Variants in MCF2L observed in about 807,000 individuals in gnomAD.
MCF2L encodes the protein guanine nucleotide exchange factor DBS.
A neutral mutation model predicts 153.4 loss-of-function variants in MCF2L; 97 were observed. That is an observed-to-expected ratio of 0.63 (90% confidence interval 0.54 to 0.75). The LOEUF (loss-of-function observed/expected upper bound fraction) is 0.75. Among genes scored for constraint, MCF2L ranks in the 30% least tolerant of loss-of-function variants. MCF2L has a pLI of 0.00. For missense variants in MCF2L, 1,347 were observed against 1,495.2 expected (o/e 0.90, Z 1.64); for synonymous variants, 659 against 632.2 (o/e 1.04, Z -0.64).
At chr13:112,984,870 C>CT (rs1185868976) in intron 1 of MCF2L, among the ~76,000 whole-genome samples, 12 of 152,126 alleles carry the variant, frequency 7.9e-5, no homozygotes, top group Non-Finnish European at 7.3e-5. Context: ...CGCTCTGCTT[C>CT]TGTCCATCCC....
chr13:112,934,485 G>A (rs553916492), intron 2 of MCF2L, among the ~76,000 whole-genome samples: 2 of 148,226 alleles, frequency 1.3e-5, no homozygotes, highest in African/African-American at 4.9e-5. Context: ...CAGACCCCTG[G>A]GCCCCACATC....
In MCF2L at chr13:113,083,931, T is replaced by A. The variant is rs2034393120; in HGVS notation, c.1992-67T>A. The A allele has an allele frequency of 2.6e-6, 3 of 1,152,562 alleles. No homozygotes were observed. The South Asian group carries it at 3.7e-5, about 14-fold the overall frequency. The allele number at this position is 1,152,562 out of a possible 1,614,324, so 71.4% of individuals were successfully genotyped here. On this transcript the variant is annotated intron_variant, in intron 17 of 29. Coordinates refer to ENST00000535094, the MANE Select transcript of MCF2L (RefSeq NM_001112732.3). ...ACAGGCTTCTGAAAAATGACGTCCATCCACTTGTCACTGGTCCACGTGACT... is the reference window on the plus strand; with the variant it reads ...ACAGGCTTCTGAAAAATGACGTCCAACCACTTGTCACTGGTCCACGTGACT...
chr13:113,039,745 G>A (rs1187578933), intron 3 of MCF2L, among the ~76,000 whole-genome samples: 2 of 152,172 alleles, frequency 1.3e-5, no homozygotes, highest in Non-Finnish European at 2.9e-5. Context: ...ATATCAGGAC[G>A]CCACTCTGTA....
rs1403429036 is a variant in MCF2L, at chr13:113,024,610, C to A, written c.164-34C>A. 3.4e-6 allele frequency: 5 copies of A among 1,491,380 alleles called. No homozygotes were observed. In the East Asian group the frequency reaches 1.1e-4, roughly 34 times the overall value. The allele number at this position is 1,491,380 out of a possible 1,614,324, so 92.4% of individuals were successfully genotyped here. Reference sequence around the variant, plus strand: ...GTGGAACCCCCGGGGGCATGGAGCCCTCGGCTAAGGGTCTGCCTCTGGTCT... The same window carrying A: ...GTGGAACCCCCGGGGGCATGGAGCCATCGGCTAAGGGTCTGCCTCTGGTCT... On this transcript the variant is annotated intron_variant, in intron 2 of 29. Transcript: ENST00000535094.
At chr13:112,898,918 C>T (rs531616626) in intron 1 of MCF2L, among the ~76,000 whole-genome samples, 1 of 152,290 alleles carries the variant, frequency 6.6e-6, no homozygotes, top group Admixed American at 6.5e-5. Context: ...CCTGCACCCA[C>T]CACCACCCCA....
At chr13:113,020,478 G>A (rs1341813377) in intron 2 of MCF2L, among the ~76,000 whole-genome samples, 1 of 152,232 alleles carries the variant, frequency 6.6e-6, no homozygotes, top group Non-Finnish European at 1.5e-5. Context: ...AGACTGAGTG[G>A]TTTAAGCCAC....
intron 1 of MCF2L, among the ~76,000 whole-genome samples, chr13:112,995,629 C>A (rs1006992519): frequency 3.3e-5 from 5 of 152,158 alleles, no homozygotes; most frequent in African/African-American, 1.2e-4. Context: ...GGATGTGCCC[C>A]GTGTGGGACC....
Position 113,028,875 on chromosome 13 carries a change from TG to T in MCF2L, c.278+4121del, listed in dbSNP as rs1192344272. 6.7e-6 allele frequency among the ~76,000 whole-genome samples: 1 copy of T among 148,752 alleles called. No homozygotes were observed. The highest frequency in any genetic ancestry group is 1.5e-5 in the Non-Finnish European group (1 of 67,062). On this transcript the variant is annotated intron_variant, in intron 3 of 29. Transcript: ENST00000535094. The surrounding 1 kb of genome is among the most constrained non-coding windows in gnomAD (Gnocchi z 5.4). ...GTGTGTGGCGTGTGCGGGGTGTGTGTGGGGTATGTGTGGTGTGTGTGTAATG... is the reference window on the plus strand; with the variant it reads ...GTGTGTGGCGTGTGCGGGGTGTGTGTGGGTATGTGTGGTGTGTGTGTAATG...
intron 2 of MCF2L, among the ~76,000 whole-genome samples, chr13:112,926,584 G>T (rs1332863029): frequency 6.6e-6 from 1 of 152,202 alleles, no homozygotes; most frequent in African/African-American, 2.4e-5. Context: ...ACAGCAGAGT[G>T]CTGTGTGGCT....
rs74524533 is a variant in MCF2L at position 113,015,361 on chromosome 13, C to G, written c.163+515C>G. 1.9e-3 allele frequency among the ~76,000 whole-genome samples: 297 copies of G among 152,352 alleles called. 2 individuals carry two copies. Among genetic ancestry groups the G allele is most frequent in the African/African-American group, 7.0e-3 (292 of 41,582 alleles). On this transcript the variant is annotated intron_variant, in intron 2 of 29. Transcript: ENST00000535094. Reference sequence around the variant, plus strand: ...GGCCCCGAGCTATGTAGATGCCGTTCTTATGTGAACAAATCTGCCCAACAG... The same window carrying G: ...GGCCCCGAGCTATGTAGATGCCGTTGTTATGTGAACAAATCTGCCCAACAG...
chr13:113,096,142 G>A (rs1331374439), intron 27 of MCF2L: 4 of 591,040 alleles, frequency 6.8e-6, no homozygotes, highest in Non-Finnish European at 9.0e-6. Flanking sequence ...TGAGGGGCTG[G>A]GGCAGCTGGG....
intron 2 of MCF2L, among the ~76,000 whole-genome samples, chr13:112,908,770 A>G (rs1375174185): frequency 5.6e-5 from 8 of 142,698 alleles, no homozygotes; most frequent in Admixed American, 4.3e-4. Context: ...GTCTCACTCT[A>G]TTGTCCAGGG....
chr13:112,895,421 G>T (rs1478118263), intron 1 of MCF2L, among the ~76,000 whole-genome samples: 2 of 152,268 alleles, frequency 1.3e-5, no homozygotes, highest in African/African-American at 4.8e-5. Flanking sequence ...AGTCCCCAGG[G>T]CTGCAGGCTG....
intron 1 of MCF2L, among the ~76,000 whole-genome samples, chr13:112,895,377 G>A (rs1054758654): frequency 6.6e-6 from 1 of 152,164 alleles, no homozygotes; most frequent in Non-Finnish European, 1.5e-5. Flanking sequence ...GTGGCCACGG[G>A]GACCGACACG....
chr13:112,910,061 G>C (rs1254660329), intron 2 of MCF2L: 1 of 152,284 alleles, frequency 6.6e-6, no homozygotes, highest in Non-Finnish European at 1.5e-5. Context: ...ATTTATCTAT[G>C]CATCTGTCTT....
rs1274637726 is a variant in MCF2L, at chr13:113,012,330, G to A, written c.80-2433G>A. 1.3e-4 allele frequency among the ~76,000 whole-genome samples: 14 copies of A among 109,150 alleles called. 2 individuals carry two copies. Among genetic ancestry groups the A allele is most frequent in the Admixed American group, 9.8e-4 (11 of 11,222 alleles). 71.6% of individuals were successfully genotyped at this position (109,150 alleles called of 152,430 possible). A position where few individuals can be genotyped will look rare whatever the true frequency, so the allele number is the denominator to read the frequency against. On this transcript the variant is annotated intron_variant, in intron 1 of 29. Transcript: ENST00000535094. Reference sequence around the variant, plus strand: ...TGGATGGTGGACAGGTGGTGTGGACGGTGGACAGGCAGTGTGGACGGTGGA... The same window carrying A: ...TGGATGGTGGACAGGTGGTGTGGACAGTGGACAGGCAGTGTGGACGGTGGA...
At chr13:112,919,735 AT>A (rs1451143325) in intron 2 of MCF2L, among the ~76,000 whole-genome samples, 2 of 152,130 alleles carry the variant, frequency 1.3e-5, no homozygotes, top group African/African-American at 2.4e-5. Flanking sequence ...TACTAGACAG[AT>A]TTTTTTAGTT....
chr13:113,078,608 G>C, intron 14 of MCF2L, 58 bp from the exon 15 acceptor site: 3 of 1,515,658 alleles, frequency 2.0e-6, no homozygotes, highest in Non-Finnish European at 2.7e-6. Flanking sequence ...CTGGCCTTGA[G>C]AGTTGGCCCT....
intron 2 of MCF2L, among the ~76,000 whole-genome samples, chr13:112,913,703 G>A (rs1426584664): frequency 6.6e-6 from 1 of 152,174 alleles, no homozygotes. Context: ...AGTGCCCTGT[G>A]TGGATCACGG....
Sources: allele counts gnomAD v4.1 joint callset (sites outside exome capture counted in the v4.1 genomes callset), GRCh38; gene constraint gnomAD v4.1.1; non-coding constraint Gnocchi (gnomAD v3.1); transcripts MANE v1.5; gene names NCBI Gene and HGNC (gene_info 2026-07-23, HGNC 2026-07-21).